ADARB2: variants seen among roughly 807,000 people sequenced by gnomAD.
ADARB2 encodes the protein adenosine deaminase RNA specific B2 (inactive).
ADARB2 carries 25 observed loss-of-function variants against 62.2 expected under a neutral mutation model. The ratio of observed to expected loss-of-function variants is 0.40; its 90% CI spans 0.29 to 0.56. The LOEUF (loss-of-function observed/expected upper bound fraction) is 0.56, where lower values mean the gene tolerates loss of function less well. Ranked by LOEUF, ADARB2 falls within the 20% of genes least tolerant of loss-of-function variation. The pLI is 0.43. For missense variants in ADARB2, 1,071 were observed against 1,077.4 expected (o/e 0.99, Z 0.08); for synonymous variants, 572 against 500.8 (o/e 1.14, Z -1.90).
intron 1 of ADARB2, among the ~76,000 whole-genome samples, chr10:1,503,991 A>G (rs938667599): frequency 5.9e-5 from 9 of 152,212 alleles, no homozygotes; most frequent in African/African-American, 2.2e-4. Context: ...GTATTTCTTG[A>G]TAGCAATGCA....
Position 1,737,054 on chromosome 10 carries a change from T to G in ADARB2, c.97A>C (p.Lys33Gln), listed in dbSNP as rs1362165453. 1 of 1,610,962 alleles carries G rather than the reference T, an allele frequency of 6.2e-7. No homozygotes were observed. ...CGGCGCGCCACGCGGTCCTTACCTTTCCGCTTGGACCTCCGCCTCCTCCTC... is the reference window on the plus strand; with the variant it reads ...CGGCGCGCCACGCGGTCCTTACCTTGCCGCTTGGACCTCCGCCTCCTCCTC... ...KRRRRRRSKRKDKVSILSTFL... is the reference protein window; with the variant it reads ...KRRRRRRSKRQDKVSILSTFL... Residue 33 changes from lysine to glutamine, a missense_variant, in exon 1 of 10, where the codon AAA becomes CAA. Coordinates refer to ENST00000381312, the MANE Select transcript of ADARB2 (RefSeq NM_018702.4).
chr10:1,451,207 A>G (rs1477746918), intron 1 of ADARB2, among the ~76,000 whole-genome samples: 1 of 152,248 alleles, frequency 6.6e-6, no homozygotes, highest in Non-Finnish European at 1.5e-5. Flanking sequence ...ACTAGGAATC[A>G]CCTAGGACAC....
chr10:1,245,684 T>G (rs1482103050), intron 4 of ADARB2, among the ~76,000 whole-genome samples: 2 of 152,234 alleles, frequency 1.3e-5, no homozygotes, highest in African/African-American at 4.8e-5. Flanking sequence ...TTTTTATGGC[T>G]GCATAGTATT....
rs1170628228 is a variant in ADARB2 at position 1,363,432 on chromosome 10, G to T, written c.673C>A (p.Gln225Lys). The T allele has an allele frequency of 1.4e-6, 2 of 1,399,210 alleles. No individual in the cohort carries two copies. Among genetic ancestry groups the T allele is most frequent in the African/African-American group, 1.5e-5 (1 of 65,772 alleles). 86.7% of individuals were successfully genotyped at this position (1,399,210 alleles called of 1,614,324 possible). Reference sequence around the variant, plus strand: ...CGCGGCGCCGGGGGCTCGAACTCCTGGAAGAGCGTGTCGGGGAAATCGGCC... The same window carrying T: ...CGCGGCGCCGGGGGCTCGAACTCCTTGAAGAGCGTGTCGGGGAAATCGGCC... ...DQADFPDTLF[Q>K]EFEPPAPRPG... Residue 225 changes from glutamine (Q) to lysine (K), a missense_variant, in exon 3 of 10, where the codon CAG becomes AAG. Physicochemically the swap from Gln to Lys is moderately conservative, Grantham distance 53. Transcript: ENST00000381312.
At chr10:1,191,713 T>G (rs894859421) in intron 8 of ADARB2, among the ~76,000 whole-genome samples, 1 of 152,200 alleles carries the variant, frequency 6.6e-6, no homozygotes, top group African/African-American at 2.4e-5. Context: ...AGAGTAGATC[T>G]GTATAGGAAT....
Position 1,327,680 on chromosome 10 carries a change from C to G in ADARB2, c.1077+35348G>C, listed in dbSNP as rs551546849. 2.3e-3 allele frequency among the ~76,000 whole-genome samples: 189 copies of G among 83,374 alleles called. 34 individuals are homozygous for G. The Middle Eastern group carries it at 0.029, about 13-fold the overall frequency. 54.7% of individuals were successfully genotyped at this position (83,374 alleles called of 152,430 possible). A position where few individuals can be genotyped will look rare whatever the true frequency, so the allele number is the denominator to read the frequency against. On this transcript the variant is annotated intron_variant, in intron 3 of 9. Coordinates refer to ENST00000381312, the MANE Select transcript of ADARB2 (RefSeq NM_018702.4). ...GCCTCCGCACTGCACAGCGCCTCCT[C>G]ACTGCACAGCGCCTCGTCACAGTTT...
intron 1 of ADARB2, chr10:1,675,293 T>A (rs1363285733): frequency 6.6e-5 from 64 of 962,780 alleles, no homozygotes; most frequent in Admixed American, 1.3e-4. Flanking sequence ...GATGCATGGA[T>A]GTTCTGGAGG....
At chr10:1,641,716 A>G (rs991561366) in intron 1 of ADARB2, among the ~76,000 whole-genome samples, 1 of 152,140 alleles carries the variant, frequency 6.6e-6, no homozygotes, top group South Asian at 2.1e-4. Context: ...AATCTTTTTT[A>G]AAAAATGTGT....
At chr10:1,631,067 G>A (rs186484976) in intron 1 of ADARB2, among the ~76,000 whole-genome samples, 3 of 152,296 alleles carry the variant, frequency 2.0e-5, no homozygotes, top group Non-Finnish European at 2.9e-5. Context: ...CACCACCCGC[G>A]GTGAAGTGTG....
chr10:1,196,138 C>T lies in ADARB2; in HGVS notation c.1864+3828G>A, dbSNP rs1398756268. The stretch of plus-strand genomic sequence containing the variant: ...TCCTCTAGGACTCTGCGCAGTGTCA[C>T]CGCCACACTGAGAGTGCTCCTGATC... On this transcript the variant is annotated intron_variant, in intron 8 of 9. Coordinates refer to ENST00000381312, the MANE Select transcript of ADARB2 (RefSeq NM_018702.4). Among the ~76,000 whole-genome samples, 3 of 152,038 alleles carry T rather than the reference C, an allele frequency of 2.0e-5. No homozygotes were observed. The East Asian group carries it at 5.8e-4, about 29-fold the overall frequency.
At chr10:1,201,146 A>T (rs944284895) in intron 7 of ADARB2, among the ~76,000 whole-genome samples, 4 of 152,220 alleles carry the variant, frequency 2.6e-5, no homozygotes, top group Non-Finnish European at 4.4e-5. Context: ...TTAGCCAGCG[A>T]TATTAATTTG....
At chr10:1,305,360 T>G (rs1564252412) in intron 3 of ADARB2, among the ~76,000 whole-genome samples, 1 of 151,924 alleles carries the variant, frequency 6.6e-6, no homozygotes, top group Non-Finnish European at 1.5e-5. Flanking sequence ...AGGAAGAAGT[T>G]GAATCTCTGA....
intron 1 of ADARB2, among the ~76,000 whole-genome samples, chr10:1,692,110 G>A (rs1394123988): frequency 6.6e-6 from 1 of 152,200 alleles, no homozygotes; most frequent in Non-Finnish European, 1.5e-5. Flanking sequence ...GTGTTCAGTA[G>A]TAAAACTGCA....
At chr10:1,348,262 A>C (rs1244654179) in intron 3 of ADARB2, among the ~76,000 whole-genome samples, 1 of 152,210 alleles carries the variant, frequency 6.6e-6, no homozygotes, top group Non-Finnish European at 1.5e-5. Flanking sequence ...ATGTCTCTAA[A>C]GAAACCACTG....
Position 1,200,049 on chromosome 10 carries a change from T to C in ADARB2, c.1781A>G (p.His594Arg). 6.3e-7 allele frequency: 1 copy of C among 1,594,466 alleles called. No individual in the cohort carries two copies. Reference sequence around the variant, plus strand: ...GCGGTGGCTCATGACGCGTGCGAGGTGGCCCGTGTGGTGCAGGCTGCCCAC... The same window carrying C: ...GCGGTGGCTCATGACGCGTGCGAGGCGGCCCGTGTGGTGCAGGCTGCCCAC... The part of the protein sequence containing the change: ...IVVGSLHHTG[H>R]LARVMSHRME... Residue 594 changes from histidine to arginine, a missense_variant, in exon 8 of 10, where the codon CAC becomes CGC. Coordinates refer to ENST00000381312, the MANE Select transcript of ADARB2 (RefSeq NM_018702.4).
At chr10:1,610,382 TC>T (rs1833552870) in intron 1 of ADARB2, among the ~76,000 whole-genome samples, 1 of 152,162 alleles carries the variant, frequency 6.6e-6, no homozygotes, top group South Asian at 2.1e-4. Context: ...CTCCCCTCTG[TC>T]CCCACACTCA....
At chr10:1,571,593 C>G (rs959466531) in intron 1 of ADARB2, among the ~76,000 whole-genome samples, 2 of 152,212 alleles carry the variant, frequency 1.3e-5, no homozygotes, top group African/African-American at 4.8e-5. Flanking sequence ...CTTTCATCTC[C>G]CCTTTCATTT....
chr10:1,404,888 G>A (rs553652141), intron 1 of ADARB2, among the ~76,000 whole-genome samples: 45 of 152,344 alleles, frequency 3.0e-4, no homozygotes, highest in Non-Finnish European at 5.4e-4. Context: ...GGGAGCTCAC[G>A]CTTTCTACAT....
chr10:1,262,653 A>G (rs1281519649), intron 4 of ADARB2, among the ~76,000 whole-genome samples: 1 of 152,198 alleles, frequency 6.6e-6, no homozygotes, highest in African/African-American at 2.4e-5. Flanking sequence ...GAGGATGTGG[A>G]GAAATAGGAA....
Sources: gnomAD v4.1 joint callset for allele counts (sites outside exome capture counted in the v4.1 genomes callset) on GRCh38, gnomAD v4.1.1 for gene constraint, MANE v1.5 for transcripts, NCBI Gene and HGNC (gene_info 2026-07-23, HGNC 2026-07-21) for gene names.